CREB5: variants seen among roughly 807,000 people sequenced by gnomAD.
CREB5 encodes cyclic AMP-responsive element-binding protein 5.
In CREB5, 19 loss-of-function variants were observed where a neutral mutation model predicts 57.1. The observed-to-expected ratio is 0.33, with a 90% CI of 0.23 to 0.49. The LOEUF is 0.49. CREB5 is among the 20% of genes least tolerant of loss of function. The pLI, the probability that CREB5 is intolerant of heterozygous loss-of-function variation, is 0.99. For synonymous variants in CREB5, 238 were observed against 238.3 expected, an observed-to-expected ratio of 1.00 and a Z score of 0.01; for missense variants, 579 against 671.6, an observed-to-expected ratio of 0.86 and a Z score of 1.52.
intron 1 of CREB5, among the ~76,000 whole-genome samples, chr7:28,343,181 C>T (rs1362814124): frequency 1.3e-5 from 2 of 152,184 alleles, no homozygotes; most frequent in Admixed American, 6.5e-5. Flanking sequence ...ACTTTGTGAT[C>T]TGCCTGCCTC....
At chr7:28,769,230 T>G (rs1806182510) in intron 7 of CREB5, among the ~76,000 whole-genome samples, 2 of 152,264 alleles carry the variant, frequency 1.3e-5, no homozygotes, top group Admixed American at 1.3e-4. Context: ...TGTTTGCTTA[T>G]GAACCTCTAG....
In CREB5 at chr7:28,819,449, T is replaced by A; in HGVS notation, c.*170T>A. ...ATGTTGTCTTTTATACTTAGTTATA[T>A]AAGAAAAAAGGGAGTTATGCAATTA... is the stretch of plus-strand genomic sequence containing the variant. On this transcript the variant is annotated 3_prime_UTR_variant, in exon 11 of 11. Transcript: ENST00000357727. 1 of 662,582 alleles carries A rather than the reference T, an allele frequency of 1.5e-6. No individual in the cohort carries two copies. The highest frequency in any genetic ancestry group is 2.4e-6 in the Non-Finnish European group (1 of 420,246). The allele number at this position is 662,582 out of a possible 1,614,324, so 41.0% of individuals were successfully genotyped here. A position where few individuals can be genotyped will look rare whatever the true frequency, so the allele number is the denominator to read the frequency against.
chr7:28,487,852 G>C (rs1013280948), intron 1 of CREB5, among the ~76,000 whole-genome samples: 1 of 152,160 alleles, frequency 6.6e-6, no homozygotes, highest in East Asian at 1.9e-4. Context: ...TTCTTGCATA[G>C]GTGTGGTCTT....
At chr7:28,771,909 C>T (rs990619753) in intron 7 of CREB5, among the ~76,000 whole-genome samples, 2 of 152,070 alleles carry the variant, frequency 1.3e-5, no homozygotes, top group African/African-American at 4.8e-5. Flanking sequence ...AGGGAGCATC[C>T]CAGCCTTCCT....
At chr7:28,693,879 T>C (rs780605887) in intron 5 of CREB5, among the ~76,000 whole-genome samples, 7 of 152,174 alleles carry the variant, frequency 4.6e-5, no homozygotes, top group Non-Finnish European at 7.4e-5. Context: ...GAGAGAAATA[T>C]TGTCATGTAA....
intron 5 of CREB5, among the ~76,000 whole-genome samples, chr7:28,635,679 A>G (rs978426855): frequency 1.3e-5 from 2 of 152,066 alleles, no homozygotes; most frequent in Non-Finnish European, 2.9e-5. Flanking sequence ...TCATCTATCT[A>G]TGTTAATTTT....
chr7:28,549,270 A>G (rs1053920287), intron 4 of CREB5, among the ~76,000 whole-genome samples: 3 of 152,242 alleles, frequency 2.0e-5, no homozygotes, highest in African/African-American at 4.8e-5. Flanking sequence ...GAGTTTTCTC[A>G]GTGTCCAACA....
intron 7 of CREB5, among the ~76,000 whole-genome samples, chr7:28,769,658 G>A (rs1260085389): frequency 1.3e-5 from 2 of 152,210 alleles, no homozygotes; most frequent in East Asian, 3.8e-4. Context: ...TTATTAAAGA[G>A]AATCATCAGG....
chr7:28,730,010 T>C (rs899722486), intron 7 of CREB5, among the ~76,000 whole-genome samples: 1 of 152,214 alleles, frequency 6.6e-6, no homozygotes, highest in African/African-American at 2.4e-5. Flanking sequence ...ACAGTCTCAC[T>C]TGTATGTATG....
chr7:28,326,410 C>A (rs1785607643), intron 1 of CREB5, among the ~76,000 whole-genome samples: 1 of 152,230 alleles, frequency 6.6e-6, no homozygotes, highest in African/African-American at 2.4e-5. Flanking sequence ...CATGGACTGT[C>A]TCCTTGGCCC....
At chr7:28,530,250 C>T (rs1022581105) in intron 4 of CREB5, among the ~76,000 whole-genome samples, 3 of 151,810 alleles carry the variant, frequency 2.0e-5, no homozygotes, top group African/African-American at 2.4e-5. Context: ...TGGTTTTCCT[C>T]GCCCGTCAGA....
chr7:28,484,921 G>A (rs192721362), intron 1 of CREB5, among the ~76,000 whole-genome samples: 23 of 152,288 alleles, frequency 1.5e-4, no homozygotes, highest in East Asian at 5.8e-4. Flanking sequence ...CGAGCCTTTC[G>A]TTGTCTTCAA....
At chr7:28,709,052 T>C (rs1802271335) in intron 5 of CREB5, among the ~76,000 whole-genome samples, 1 of 152,212 alleles carries the variant, frequency 6.6e-6, no homozygotes, top group Admixed American at 6.5e-5. Context: ...GGATATTTTT[T>C]CCCAGCTAGT....
intron 4 of CREB5, among the ~76,000 whole-genome samples, chr7:28,527,568 GT>G (rs1297865503): frequency 6.6e-6 from 1 of 152,194 alleles, no homozygotes; most frequent in African/African-American, 2.4e-5. Flanking sequence ...TGTAATCCCA[GT>G]GCTGTGAGAG....
chr7:28,491,637 T>C (rs1387367389), intron 2 of CREB5, among the ~76,000 whole-genome samples: 2 of 152,246 alleles, frequency 1.3e-5, no homozygotes, highest in African/African-American at 2.4e-5. Context: ...AATGTGGAAG[T>C]GTATTTTTTC....
chr7:28,644,974 G>A (rs1358424957), intron 5 of CREB5, among the ~76,000 whole-genome samples: 1 of 152,036 alleles, frequency 6.6e-6, no homozygotes, highest in Non-Finnish European at 1.5e-5. Flanking sequence ...GGAAACTCTT[G>A]GCCAACAACG....
chr7:28,533,535 A>C (rs1793823213), intron 4 of CREB5, among the ~76,000 whole-genome samples: 1 of 152,230 alleles, frequency 6.6e-6, no homozygotes, highest in Non-Finnish European at 1.5e-5. Flanking sequence ...AAAGCACCAC[A>C]GGATTTCCGG....
chr7:28,696,374 C>G (rs1461853031), intron 5 of CREB5, among the ~76,000 whole-genome samples: 3 of 152,154 alleles, frequency 2.0e-5, no homozygotes, highest in African/African-American at 4.8e-5. Context: ...GGATATGACC[C>G]TTTCTTTTCT....
At chr7:28,495,263 C>T (rs919902009) in intron 3 of CREB5, among the ~76,000 whole-genome samples, 4 of 152,106 alleles carry the variant, frequency 2.6e-5, no homozygotes, top group African/African-American at 7.2e-5. Context: ...CCTGGCTGGG[C>T]GCTATGGCTC....
Sources: allele counts gnomAD v4.1 joint callset (sites outside exome capture counted in the v4.1 genomes callset), GRCh38; gene constraint gnomAD v4.1.1; transcripts MANE v1.5; gene names NCBI Gene and HGNC (gene_info 2026-07-23, HGNC 2026-07-21).